Variants in TNNI1 observed in about 807,000 individuals in gnomAD.
The protein encoded by TNNI1 is troponin I, slow skeletal muscle.
Under a neutral mutation model 26.7 loss-of-function variants are expected in TNNI1, and 14 were observed. That is an observed-to-expected ratio of 0.52 (90% CI 0.35 to 0.82). TNNI1 has a LOEUF of 0.82. TNNI1 is among the 40% of genes least tolerant of loss of function. The probability of loss-of-function intolerance (pLI) is 0.01; values close to 1 mark genes in which losing one functional copy is unlikely to be tolerated. For synonymous variants in TNNI1, 79 were observed against 98.2 expected (o/e 0.80, Z 1.16); for missense variants, 164 against 257.0 (o/e 0.64, Z 2.47).
chr1:201,417,739 G>C, intron 2 of TNNI1, 44 bp downstream of exon 2: 1 of 1,312,640 alleles, frequency 7.6e-7, no homozygotes, highest in Non-Finnish European at 9.8e-7. Context: ...TGTGGCAAAG[G>C]GACTTGCCTT....
chr1:201,409,621 C>G (rs1202780399), intron 8 of TNNI1, among the ~76,000 whole-genome samples: 3 of 152,220 alleles, frequency 2.0e-5, no homozygotes, highest in Admixed American at 6.5e-5. Flanking sequence ...CTCCTCCTCT[C>G]CAGAAAGCCT....
At chr1:201,417,885 C>T (rs1662780284) in intron 1 of TNNI1, 73 bp from the exon 2 acceptor site, 1 of 1,156,138 alleles carries the variant, frequency 8.6e-7, no homozygotes. Context: ...GCCTTGGGAG[C>T]CCAGCCTAGG....
At chr1:201,421,300 A>G (rs1662852460) in intron 1 of TNNI1, among the ~76,000 whole-genome samples, 1 of 151,832 alleles carries the variant, frequency 6.6e-6, no homozygotes, top group African/African-American at 2.4e-5. Flanking sequence ...TGGCTCTCTG[A>G]TCCCAGGGCC....
chr1:201,414,598 G>A lies in TNNI1; in HGVS notation c.109C>T (p.Arg37Cys), dbSNP rs763864468. The change falls in exon 5 of 9, where the codon CGC becomes TGC. Residue 37 changes from arginine to cysteine, a missense_variant. By Grantham distance (180) the Arg-to-Cys change is radical (BLOSUM62 -3). Transcript: ENST00000361379. The part of the protein sequence containing the change: ...KECWEQEHEE[R>C]EAEKVRYLAE... ...AGGTAGCGCACCTTCTCAGCCTCGCGCTCCTCGTGCTCCTGCTCCCAGCAT... is the reference window on the plus strand; with the variant it reads ...AGGTAGCGCACCTTCTCAGCCTCGCACTCCTCGTGCTCCTGCTCCCAGCAT... The A allele has an allele frequency of 3.7e-5, 60 of 1,613,820 alleles. No individual in the cohort carries two copies. Among genetic ancestry groups the A allele is most frequent in the Admixed American group, 8.3e-5 (5 of 60,000 alleles).
chr1:201,414,659 A>C lies in TNNI1; in HGVS notation c.58-10T>G, dbSNP rs1004757510. ...TGGCCAGCATCAGGCTCTGGACAGG[A>C]CACACCTGCTGAGCTGGGGGCCTCA... On this transcript the variant is annotated splice_polypyrimidine_tract_variant and intron_variant, in intron 4 of 8. Coordinates refer to ENST00000361379, the MANE Select transcript of TNNI1 (RefSeq NM_003281.4). 2.5e-6 allele frequency: 4 copies of C among 1,611,500 alleles called. No individual in the cohort carries two copies. Among genetic ancestry groups the C allele is most frequent in the Non-Finnish European group, 3.4e-6 (4 of 1,178,736 alleles).
chr1:201,417,873 G>A, intron 1 of TNNI1, 61 bp from the exon 2 acceptor site: 2 of 1,264,306 alleles, frequency 1.6e-6, no homozygotes, highest in Non-Finnish European at 2.0e-6. Context: ...CTGCCCAGCT[G>A]GGCCTTGGGA....
intron 6 of TNNI1, among the ~76,000 whole-genome samples, chr1:201,412,527 AC>A (rs1375283297): frequency 6.6e-6 from 1 of 151,986 alleles, no homozygotes; most frequent in Non-Finnish European, 1.5e-5. Flanking sequence ...ATCCTCCCAC[AC>A]CCCATGCTAA....
chr1:201,417,762 G>C (rs1362391807), intron 2 of TNNI1, 21 bp downstream of exon 2: 2 of 1,314,084 alleles, frequency 1.5e-6, no homozygotes, highest in Non-Finnish European at 2.0e-6. Flanking sequence ...TGGGGCCCCA[G>C]ATGGCAGTGA....
intron 2 of TNNI1, 114 bp from the exon 3 acceptor site, chr1:201,417,233 G>A: frequency 7.1e-7 from 1 of 1,415,380 alleles, no homozygotes; most frequent in East Asian, 2.3e-5. Context: ...GGGGGAGGAG[G>A]GGGCCAGTGA....
intron 8 of TNNI1, 21 bp downstream of exon 8, chr1:201,410,305 A>G (rs1167021902): frequency 6.2e-7 from 1 of 1,603,290 alleles, no homozygotes; most frequent in Non-Finnish European, 8.5e-7. Flanking sequence ...ACCCCAGAGA[A>G]GGGAGCTGGT....
rs1164586179 is a variant in TNNI1, at chr1:201,404,435, A to G, written c.*4818T>C. ...ACCCACGCCCTAAAGAATCCAGGGC[A>G]GTAAGCTCCCTGGCTTTCGGTTTTT... is the stretch of plus-strand genomic sequence containing the variant. On this transcript the variant is annotated 3_prime_UTR_variant, in exon 9 of 9. Transcript: ENST00000361379. 1 of 152,256 alleles carries G rather than the reference A, an allele frequency of 6.6e-6. No individual in the cohort carries two copies. Among genetic ancestry groups the G allele is most frequent in the African/African-American group, 2.4e-5 (1 of 41,474 alleles). The allele number at this position is 152,256 out of a possible 1,614,324, so 9.4% of individuals were successfully genotyped here.
At chr1:201,417,600 CT>C in intron 2 of TNNI1, 182 bp downstream of exon 2, 1 of 485,010 alleles carries the variant, frequency 2.1e-6, no homozygotes, top group South Asian at 1.0e-4. Context: ...GTGAGTTCTG[CT>C]CAATGGCTGG....
At chr1:201,420,036 T>G (rs1455691176) in intron 1 of TNNI1, among the ~76,000 whole-genome samples, 1 of 152,216 alleles carries the variant, frequency 6.6e-6, no homozygotes, top group Non-Finnish European at 1.5e-5. Context: ...AATGCCAGTG[T>G]CCAGAGGGCA....
At chr1:201,418,213 G>A (rs1244207509) in intron 1 of TNNI1, among the ~76,000 whole-genome samples, 4 of 152,094 alleles carry the variant, frequency 2.6e-5, no homozygotes, top group East Asian at 1.9e-4. Context: ...GCTCATGCCT[G>A]TAATCCCAGC....
At chr1:201,417,061 AC>A in intron 3 of TNNI1, 54 bp downstream of exon 3, 4 of 1,612,324 alleles carry the variant, frequency 2.5e-6, no homozygotes, top group Non-Finnish European at 3.4e-6. Flanking sequence ...CCACCTTCCC[AC>A]TTTTACCAGT....
In TNNI1 at chr1:201,403,988, C is replaced by T. The variant is rs1160149983; in HGVS notation, c.*5265G>A. 3 of 152,160 alleles carry T rather than the reference C, an allele frequency of 2.0e-5. No homozygotes were observed. Among genetic ancestry groups the T allele is most frequent in the Non-Finnish European group, 2.9e-5 (2 of 68,024 alleles). 9.4% of individuals were successfully genotyped at this position (152,160 alleles called of 1,614,324 possible). A position where few individuals can be genotyped will look rare whatever the true frequency, so the allele number is the denominator to read the frequency against. On this transcript the variant is annotated 3_prime_UTR_variant, in exon 9 of 9. Coordinates refer to ENST00000361379, the MANE Select transcript of TNNI1 (RefSeq NM_003281.4). ...TGAGTGGTTGGCAGATGGGTGTTCA[C>T]TTTACGATTCTTTATACGTACATTA...
intron 3 of TNNI1, among the ~76,000 whole-genome samples, chr1:201,416,249 A>G (rs926698825): frequency 1.3e-5 from 2 of 152,180 alleles, no homozygotes; most frequent in African/African-American, 4.8e-5. Flanking sequence ...GCAATTTCAA[A>G]AGAAAGAGCC....
At chr1:201,415,090 A>G in intron 4 of TNNI1, 123 bp downstream of exon 4, 4 of 893,204 alleles carry the variant, frequency 4.5e-6, no homozygotes, top group Non-Finnish European at 7.1e-6. Flanking sequence ...CCTGCCCCTC[A>G]TCATCCTCAC....
chr1:201,415,623 C>T (rs1390433388), intron 3 of TNNI1, among the ~76,000 whole-genome samples: 1 of 152,118 alleles, frequency 6.6e-6, no homozygotes, highest in East Asian at 1.9e-4. Context: ...GAAATGAGAT[C>T]ATGGATGTGC....
Sources: allele counts gnomAD v4.1 joint callset (sites outside exome capture counted in the v4.1 genomes callset), GRCh38; gene constraint gnomAD v4.1.1; transcripts MANE v1.5; gene names NCBI Gene and HGNC (gene_info 2026-07-23, HGNC 2026-07-21).